Variants in WDR4 observed in about 807,000 individuals in gnomAD.
The protein encoded by WDR4 is WDR4 tRNA N7-guanosine methyltransferase non-catalytic subunit, also known as tRNA (guanine-N(7)-)-methyltransferase non-catalytic subunit WDR4.
WDR4 carries 47 observed loss-of-function variants against 48.6 expected under a neutral mutation model. The ratio of observed to expected loss-of-function variants is 0.97; its 90% CI spans 0.77 to 1.23. The LOEUF (loss-of-function observed/expected upper bound fraction) is 1.23, where lower values mean the gene tolerates loss of function less well. WDR4 is among the 50% of genes most tolerant of loss of function. WDR4 has a pLI of 0.00. For synonymous variants in WDR4, 268 were observed against 230.0 expected (o/e 1.17, Z -1.49); for missense variants, 606 against 551.6 (o/e 1.10, Z -0.99).
the WDR4 span, among the ~76,000 whole-genome samples, chr21:42,889,778 C>T: frequency 2.0e-5 from 3 of 152,128 alleles, no homozygotes; most frequent in African/African-American, 4.8e-5. Flanking sequence ...GAAGGAGTTT[C>T]GTTCTGCTGC....
At chr21:42,888,629 C>G in the WDR4 span, among the ~76,000 whole-genome samples, 2 of 151,442 alleles carry the variant, frequency 1.3e-5, no homozygotes, top group African/African-American at 4.8e-5. Flanking sequence ...TCTGGAAAAC[C>G]CTATCTATCA....
chr21:42,845,971 A>T (rs980434770), downstream of WDR4, among the ~76,000 whole-genome samples: 5 of 152,176 alleles, frequency 3.3e-5, no homozygotes, highest in Admixed American at 2.0e-4. Flanking sequence ...CATCTCTACA[A>T]AAACTACAAA....
At chr21:42,855,116 G>A (rs571991630) in intron 7 of WDR4, among the ~76,000 whole-genome samples, 8 of 150,778 alleles carry the variant, frequency 5.3e-5, no homozygotes, top group African/African-American at 1.7e-4. Flanking sequence ...GGCAAGAGTG[G>A]GACTCCATCT....
chr21:42,862,355 G>T lies in WDR4; in HGVS notation c.493C>A (p.Arg165=), dbSNP rs762942524. 1 of 1,611,402 alleles carries T rather than the reference G, an allele frequency of 6.2e-7. No homozygotes were observed. Among genetic ancestry groups the T allele is most frequent in the African/African-American group, 1.3e-5 (1 of 75,004 alleles). Residue 165 remains arginine, a synonymous_variant, in exon 5 of 11, where the codon CGG becomes AGG. Coordinates refer to ENST00000398208, the MANE Select transcript of WDR4 (RefSeq NM_018669.6). This position sits in a 1 kb window ranked among gnomAD's most constrained non-coding sequence, Gnocchi z 4.3. ...PDDRFILTAD[R]DEKIRVSWAA... ...CAGCTGACTCGGATCTTCTCGTCCCGGTCGGCAGTGAGGATGAAGCGGTCA... is the reference window on the plus strand; with the variant it reads ...CAGCTGACTCGGATCTTCTCGTCCCTGTCGGCAGTGAGGATGAAGCGGTCA...
chr21:42,883,174 C>T (rs2058619639), upstream of WDR4, among the ~76,000 whole-genome samples: 1 of 148,760 alleles, frequency 6.7e-6, no homozygotes, highest in South Asian at 2.1e-4. Context: ...ACTCAGGAGG[C>T]TGAGGTACGA....
chr21:42,858,291 C>A (rs977378169), intron 6 of WDR4, among the ~76,000 whole-genome samples: 9 of 152,206 alleles, frequency 5.9e-5, no homozygotes, highest in African/African-American at 9.7e-5. Flanking sequence ...ACATCGCACA[C>A]TGGAGCAGAG....
chr21:42,857,719 G>A (rs2058027726), intron 6 of WDR4, among the ~76,000 whole-genome samples: 3 of 152,160 alleles, frequency 2.0e-5, no homozygotes, highest in South Asian at 4.1e-4. Context: ...ACAGAAGGCT[G>A]GAAAGTAAAG....
the WDR4 span, among the ~76,000 whole-genome samples, chr21:42,890,315 C>T: frequency 6.6e-6 from 1 of 152,116 alleles, no homozygotes; most frequent in Non-Finnish European, 1.5e-5. Context: ...GGTGGGGGAT[C>T]ACAAGGTCAA....
At chr21:42,872,221 T>A (rs1392529682) in intron 3 of WDR4, among the ~76,000 whole-genome samples, 1 of 152,078 alleles carries the variant, frequency 6.6e-6, no homozygotes, top group Non-Finnish European at 1.5e-5. Flanking sequence ...TAATCTCAGG[T>A]GATCCGATCC....
chr21:42,848,356 G>C (rs940905766), downstream of WDR4, among the ~76,000 whole-genome samples: 2 of 149,034 alleles, frequency 1.3e-5, no homozygotes, highest in African/African-American at 5.0e-5. Flanking sequence ...CACACACACA[G>C]CGCACGATCA....
chr21:42,871,618 G>A (rs1287258118), intron 3 of WDR4, among the ~76,000 whole-genome samples: 1 of 152,198 alleles, frequency 6.6e-6, no homozygotes, highest in Admixed American at 6.5e-5. Context: ...GGTGGAAGCA[G>A]CCATTTATTA....
At chr21:42,882,278 A>G (rs550308208), upstream of WDR4, among the ~76,000 whole-genome samples, 42 of 145,934 alleles carry the variant, frequency 2.9e-4, no homozygotes, top group East Asian at 9.4e-3. Context: ...AAACTTATGG[A>G]TTGGCCGGGT....
chr21:42,845,283 C>G (rs544386495), downstream of WDR4, among the ~76,000 whole-genome samples: 1 of 152,340 alleles, frequency 6.6e-6, no homozygotes, highest in East Asian at 1.9e-4. Context: ...GGAAATTAAA[C>G]CATACTTCCA....
At chr21:42,884,489 A>C (rs2058624698), upstream of WDR4, among the ~76,000 whole-genome samples, 1 of 152,076 alleles carries the variant, frequency 6.6e-6, no homozygotes, top group South Asian at 2.1e-4. Flanking sequence ...TCTACTAAAA[A>C]TACAAAAATT....
At chr21:42,867,504 CG>C (rs2058275474) in intron 3 of WDR4, among the ~76,000 whole-genome samples, 1 of 151,960 alleles carries the variant, frequency 6.6e-6, no homozygotes, top group South Asian at 2.1e-4. Flanking sequence ...CCCAAATGCT[CG>C]GGACGAAAAG....
At chr21:42,859,558 C>CCAGGGGCCAGCGACCCA in intron 6 of WDR4, 104 bp downstream of exon 6, 2 of 820,428 alleles carry the variant, frequency 2.4e-6, no homozygotes, top group Non-Finnish European at 3.8e-6. Flanking sequence ...CCACAGCCAG[C>CCAGGGGCCAGCGACCCA]CAGGGGCCAG....
chr21:42,853,770 G>A lies in WDR4; in HGVS notation c.792-18C>T. The A allele has an allele frequency of 7.1e-6, 11 of 1,545,302 alleles. No homozygotes were observed. The highest frequency in any genetic ancestry group is 9.6e-6 in the Non-Finnish European group (11 of 1,145,886). On this transcript the variant is annotated intron_variant, in intron 8 of 10. Transcript: ENST00000398208. ...CAGGAGTGCTTGCCACGAAGAAAGA[G>A]AGCATGATTACTAGGACTGCAGGCC... is the stretch of plus-strand genomic sequence containing the variant.
intron 7 of WDR4, among the ~76,000 whole-genome samples, chr21:42,854,884 G>C (rs1000580833): frequency 1.3e-5 from 2 of 152,142 alleles, no homozygotes; most frequent in African/African-American, 4.8e-5. Flanking sequence ...CAACAAGATA[G>C]GTCAGACAGT....
Position 42,862,360 on chromosome 21 carries a change from G to A in WDR4, c.488C>T (p.Ala163Val). The A allele has an allele frequency of 6.2e-7, 1 of 1,611,162 alleles. No homozygotes were observed. The highest frequency in any genetic ancestry group is 8.5e-7 in the Non-Finnish European group (1 of 1,178,860). Residue 163 changes from alanine (A) to valine (V), a missense_variant, in exon 5 of 11, where the codon GCC (alanine) becomes GTC (valine). Ala to Val is a moderately conservative substitution (Grantham distance 64). Coordinates refer to ENST00000398208, the MANE Select transcript of WDR4 (RefSeq NM_018669.6). This position sits in a 1 kb window ranked among gnomAD's most constrained non-coding sequence, Gnocchi z 4.3. ...VSPDDRFILTADRDEKIRVSW... is the reference protein window; with the variant it reads ...VSPDDRFILTVDRDEKIRVSW... ...GACTCGGATCTTCTCGTCCCGGTCG[G>A]CAGTGAGGATGAAGCGGTCATCAGG...
Sources: gnomAD v4.1 joint callset for allele counts (sites outside exome capture counted in the v4.1 genomes callset) on GRCh38, gnomAD v4.1.1 for gene constraint, Gnocchi (gnomAD v3.1) non-coding constraint, MANE v1.5 for transcripts, NCBI Gene and HGNC (gene_info 2026-07-23, HGNC 2026-07-21) for gene names.